Variants in KMT2E observed in about 807,000 individuals in gnomAD.
The protein encoded by KMT2E is lysine methyltransferase 2E (inactive).
In KMT2E, 30 loss-of-function variants were observed where a neutral mutation model predicts 184.6. That is an observed-to-expected ratio of 0.16 (90% CI 0.12 to 0.22). KMT2E has a LOEUF of 0.22. Among genes scored for constraint, KMT2E ranks in the 10% least tolerant of loss-of-function variants. The probability of loss-of-function intolerance (pLI) is 1.00; values close to 1 mark genes in which losing one functional copy is unlikely to be tolerated. For missense variants in KMT2E, 2,023 were observed against 2,237.4 expected, an observed-to-expected ratio of 0.90 and a Z score of 1.93; for synonymous variants, 815 against 776.5, an observed-to-expected ratio of 1.05 and a Z score of -0.82.
intron 1 of KMT2E, among the ~76,000 whole-genome samples, chr7:105,036,683 A>T (rs1795674569): frequency 1.3e-5 from 2 of 152,214 alleles, no homozygotes; most frequent in Non-Finnish European, 2.9e-5. Flanking sequence ...TATCATTATT[A>T]TTATAACCAC....
At chr7:105,062,103 A>T in intron 3 of KMT2E, 61 bp from the exon 4 acceptor site, 2 of 1,057,000 alleles carry the variant, frequency 1.9e-6, no homozygotes, top group Non-Finnish European at 2.9e-6. Context: ...CATTTTAATT[A>T]AATTGATTAA....
In KMT2E at chr7:105,078,030, A is replaced by G. The variant is rs200915245; in HGVS notation, c.1130+597A>G. 2.7e-4 allele frequency among the ~76,000 whole-genome samples: 41 copies of G among 152,342 alleles called. 1 individual carries two copies. In the East Asian group the frequency reaches 6.7e-3, roughly 25 times the overall value. ...TTCCCTGTAGTCTAGAAGTATGTTC[A>G]TATCTGTAGGAGAACATTCCTAGTC... On this transcript the variant is annotated intron_variant, in intron 11 of 26. Coordinates refer to ENST00000311117, the MANE Select transcript of KMT2E (RefSeq NM_182931.3).
At chr7:105,109,951 C>G (rs1799124030) in intron 23 of KMT2E, among the ~76,000 whole-genome samples, 1 of 150,264 alleles carries the variant, frequency 6.7e-6, no homozygotes, top group South Asian at 2.1e-4. Flanking sequence ...TCAAGCGATT[C>G]TCCTGCCTCA....
chr7:105,058,747 C>T (rs1796673546), intron 3 of KMT2E, among the ~76,000 whole-genome samples: 1 of 152,126 alleles, frequency 6.6e-6, no homozygotes, highest in Non-Finnish European at 1.5e-5. Flanking sequence ...TTACCTGCTA[C>T]TAGGTTGGTG....
intron 13 of KMT2E, among the ~76,000 whole-genome samples, chr7:105,089,531 C>A (rs925352118): frequency 1.3e-5 from 2 of 152,154 alleles, no homozygotes; most frequent in Non-Finnish European, 1.5e-5. Flanking sequence ...GTAGAAAATT[C>A]TACACCTGAC....
intron 12 of KMT2E, among the ~76,000 whole-genome samples, chr7:105,080,521 T>C (rs983011024): frequency 2.0e-5 from 3 of 152,144 alleles, no homozygotes; most frequent in African/African-American, 7.2e-5. Context: ...AGGCATGCGC[T>C]GCTGCACCCA....
intron 1 of KMT2E, among the ~76,000 whole-genome samples, chr7:105,025,765 G>A (rs907200356): frequency 2.6e-5 from 4 of 152,086 alleles, no homozygotes; most frequent in African/African-American, 2.4e-5. Context: ...CTGTTTAAAC[G>A]CAAACTAAGT....
chr7:105,049,171 G>A (rs556382872), intron 3 of KMT2E, among the ~76,000 whole-genome samples: 10 of 152,284 alleles, frequency 6.6e-5, no homozygotes, highest in South Asian at 4.1e-4. Flanking sequence ...CTGGCCAGGC[G>A]TGGTGGCTCA....
intron 15 of KMT2E, among the ~76,000 whole-genome samples, chr7:105,098,812 C>T (rs751416181): frequency 2.0e-5 from 3 of 152,042 alleles, no homozygotes; most frequent in Non-Finnish European, 2.9e-5. Flanking sequence ...AAACCATAAA[C>T]TAAGACATAT....
chr7:105,051,046 CTTCTTTCTTTCCTT>C (rs1487295655), intron 3 of KMT2E, among the ~76,000 whole-genome samples: 4 of 151,096 alleles, frequency 2.6e-5, no homozygotes, highest in East Asian at 2.0e-4. Context: ...TCTTTCTTTC[CTTCTTTCTTTCCTT>C]TTCTTTCTTT....
In KMT2E at chr7:105,112,812, C is replaced by T. The variant is rs1429930975; in HGVS notation, c.5056C>T (p.Pro1686Ser). The change falls in exon 27 of 27, where the codon CCT becomes TCT. Residue 1686 changes from proline to serine, a missense_variant. By Grantham distance (74) the Pro-to-Ser change is moderately conservative (BLOSUM62 -1). Around this residue, in one of 8 missense-constraint regions of KMT2E, gnomAD observed 1,108 missense variants for 1,050.9 expected, o/e 1.05. Transcript: ENST00000311117. ...ACCCCCACCCCCACCCCCTCCTGGT[C>T]CTGCCCCTCATCACCATCCACCACC... is the stretch of plus-strand genomic sequence containing the variant. ...HLPPPPPPPG[P>S]APHHHPPPHP... 1 of 1,065,432 alleles carries T rather than the reference C, an allele frequency of 9.4e-7. No individual in the cohort carries two copies. Among genetic ancestry groups the T allele is most frequent in the African/African-American group, 2.0e-5 (1 of 49,958 alleles). The allele number at this position is 1,065,432 out of a possible 1,614,324, so 66.0% of individuals were successfully genotyped here. A position where few individuals can be genotyped will look rare whatever the true frequency, so the allele number is the denominator to read the frequency against.
In KMT2E at chr7:105,017,703, T is replaced by G. The variant is rs189625185; in HGVS notation, c.-189+3168T>G. 2.5e-3 allele frequency among the ~76,000 whole-genome samples: 381 copies of G among 152,300 alleles called. 3 individuals are homozygous for G. The highest frequency in any genetic ancestry group is 3.4e-3 in the Non-Finnish European group (229 of 68,016). On this transcript the variant is annotated intron_variant, in intron 1 of 26. Coordinates refer to ENST00000311117, the MANE Select transcript of KMT2E (RefSeq NM_182931.3). ...GTCTTTGTTCTAGGATAGCTGAGTT[T>G]GAAGGATTAGTTGTTTATCTGTTTA...
intron 11 of KMT2E, 70 bp downstream of exon 11, chr7:105,077,503 A>G: frequency 8.2e-7 from 1 of 1,219,994 alleles, no homozygotes; most frequent in Non-Finnish European, 1.2e-6. Context: ...TTTTACCTAG[A>G]TGTTGTGATT....
intron 6 of KMT2E, among the ~76,000 whole-genome samples, chr7:105,068,639 G>GTTTTTTTTTTTTTTT (rs1162488673): frequency 5.4e-5 from 6 of 111,540 alleles, no homozygotes; most frequent in Admixed American, 9.4e-5. Context: ...TTTTTTTTTT[G>GTTTTTTTTTTTTTTT]TTTTTTTTTT....
chr7:105,076,909 T>A, intron 9 of KMT2E, 54 bp from the exon 10 acceptor site: 5 of 804,374 alleles, frequency 6.2e-6, no homozygotes, highest in Admixed American at 2.0e-5. Context: ...TGTGTGTGTG[T>A]GTGTGTGTGT....
Position 105,112,724 on chromosome 7 carries a change from A to AGGGCCTGTTCATGCG in KMT2E, c.4970_4984dup (p.Gly1657_Ala1661dup), listed in dbSNP as rs1469398647. Reference sequence around the variant, plus strand: ...AGCAACACTCTGTAGCACATGTAGTAGGGCCTGTTCATGCGGTCACCCCTG... The same window carrying AGGGCCTGTTCATGCG: ...AGCAACACTCTGTAGCACATGTAGTAGGGCCTGTTCATGCGGGGCCTGTTCATGCGGTCACCCCTG... On this transcript the variant is annotated inframe_insertion, in exon 27 of 27. Transcript: ENST00000311117. The AGGGCCTGTTCATGCG allele has an allele frequency of 6.2e-7, 1 of 1,613,788 alleles. No homozygotes were observed.
chr7:105,059,316 C>A (rs1001381007), intron 3 of KMT2E, among the ~76,000 whole-genome samples: 2 of 152,168 alleles, frequency 1.3e-5, no homozygotes, highest in Admixed American at 1.3e-4. Context: ...GTGCTCTGGC[C>A]ACAGTTCCTG....
chr7:105,073,438 A>C (rs1377993065), intron 6 of KMT2E, among the ~76,000 whole-genome samples, 181 bp from the exon 7 acceptor site: 1 of 151,504 alleles, frequency 6.6e-6, no homozygotes, highest in Non-Finnish European at 1.5e-5. Context: ...AAATGGAGTC[A>C]TCTATCTGGC....
intron 6 of KMT2E, among the ~76,000 whole-genome samples, chr7:105,071,704 G>C (rs1355213786): frequency 1.4e-5 from 2 of 138,004 alleles, no homozygotes; most frequent in Non-Finnish European, 3.0e-5. Flanking sequence ...TGATCTGCCT[G>C]CCTCGGCCTC....
Sources: allele counts gnomAD v4.1 joint callset (sites outside exome capture counted in the v4.1 genomes callset), GRCh38; gene constraint gnomAD v4.1.1; regional missense constraint gnomAD v4.1.1; transcripts MANE v1.5; gene names NCBI Gene and HGNC (gene_info 2026-07-23, HGNC 2026-07-21).